Variants in CSMD1 observed in about 807,000 individuals in gnomAD.
The protein encoded by CSMD1 is CUB and sushi domain-containing protein 1.
CSMD1 carries 213 observed loss-of-function variants against 417.5 expected under a neutral mutation model. The observed-to-expected ratio is 0.51, with a 90% confidence interval of 0.46 to 0.57. CSMD1 has a LOEUF of 0.57. Among genes scored for constraint, CSMD1 ranks in the 20% least tolerant of loss-of-function variants. The pLI is 0.00. For synonymous variants in CSMD1, 2,862 were observed against 1,736.8 expected (o/e 1.65, Z -16.11); for missense variants, 6,923 against 4,529.7 (o/e 1.53, Z -15.17).
At chr8:3,240,086 C>A (rs972388458) in intron 26 of CSMD1, among the ~76,000 whole-genome samples, 1 of 152,134 alleles carries the variant, frequency 6.6e-6, no homozygotes, top group African/African-American at 2.4e-5. Context: ...AGGGTGGTGG[C>A]GGCTGCCACA....
intron 3 of CSMD1, among the ~76,000 whole-genome samples, chr8:4,291,641 C>T (rs778431542): frequency 5.3e-5 from 8 of 151,952 alleles, no homozygotes; most frequent in Admixed American, 1.3e-4. Flanking sequence ...AAATTATAGC[C>T]GCAATATGGA....
At chr8:4,090,831 A>C (rs574958317) in intron 3 of CSMD1, among the ~76,000 whole-genome samples, 10 of 152,334 alleles carry the variant, frequency 6.6e-5, no homozygotes, top group Non-Finnish European at 1.5e-4. Context: ...GAATGAAAAA[A>C]TAGAAATATT....
At chr8:3,773,111 T>A (rs912723918) in intron 5 of CSMD1, among the ~76,000 whole-genome samples, 20 of 152,156 alleles carry the variant, frequency 1.3e-4, no homozygotes, top group African/African-American at 4.3e-4. Context: ...GGCTCTGTCC[T>A]CACAACCTCA....
chr8:4,330,689 T>C (rs925925351), intron 3 of CSMD1, among the ~76,000 whole-genome samples: 1 of 152,178 alleles, frequency 6.6e-6, no homozygotes, highest in African/African-American at 2.4e-5. Flanking sequence ...CCTAGGTGTT[T>C]GCTCAATTTT....
chr8:3,796,362 T>C (rs1353422302), intron 5 of CSMD1, among the ~76,000 whole-genome samples: 2 of 95,906 alleles, frequency 2.1e-5, no homozygotes, highest in East Asian at 2.4e-4. Flanking sequence ...TGTATAGATA[T>C]AGATATCTAT....
In CSMD1 at chr8:3,383,268, T is replaced by C. The variant is rs78413419; in HGVS notation, c.2782+4226A>G. Among the ~76,000 whole-genome samples, 118 of 152,362 alleles carry C rather than the reference T, an allele frequency of 7.7e-4. 1 individual carries two copies. The East Asian group carries it at 0.021, about 27-fold the overall frequency. Reference sequence around the variant, plus strand: ...TGTTCACATTAAACATGCAGTTTACTGCATTTCAGTCACACCTCAATAAAG... The same window carrying C: ...TGTTCACATTAAACATGCAGTTTACCGCATTTCAGTCACACCTCAATAAAG... On this transcript the variant is annotated intron_variant, in intron 18 of 69. Transcript: ENST00000635120.
At chr8:3,537,387 A>T (rs1362883687) in intron 10 of CSMD1, among the ~76,000 whole-genome samples, 2 of 152,300 alleles carry the variant, frequency 1.3e-5, no homozygotes, top group East Asian at 3.9e-4. Flanking sequence ...TATACATCAT[A>T]AGTTATCATG....
intron 4 of CSMD1, among the ~76,000 whole-genome samples, chr8:4,006,431 C>G (rs1474533589): frequency 6.6e-6 from 1 of 152,150 alleles, no homozygotes; most frequent in Non-Finnish European, 1.5e-5. Flanking sequence ...GTAATTCCAG[C>G]TTCTTGGGAG....
intron 5 of CSMD1, among the ~76,000 whole-genome samples, chr8:3,963,588 C>G (rs558766846): frequency 4.6e-5 from 7 of 152,012 alleles, no homozygotes; most frequent in African/African-American, 1.7e-4. Context: ...ACTAAGTAAA[C>G]AAAAAATAAA....
chr8:3,066,984 C>T (rs142994057), intron 49 of CSMD1, among the ~76,000 whole-genome samples: 45 of 151,990 alleles, frequency 3.0e-4, no homozygotes, highest in Middle Eastern at 6.8e-3. Context: ...TACAGACTGA[C>T]GAAAATCCAC....
chr8:3,364,909 G>A (rs563887113), intron 20 of CSMD1, among the ~76,000 whole-genome samples: 1 of 152,338 alleles, frequency 6.6e-6, no homozygotes, highest in South Asian at 2.1e-4. Flanking sequence ...CAGACCTGTG[G>A]TGAGGGCACC....
intron 1 of CSMD1, among the ~76,000 whole-genome samples, chr8:4,961,373 G>A (rs4637858): frequency 5.3e-5 from 8 of 152,070 alleles, no homozygotes; most frequent in African/African-American, 1.9e-4. Context: ...TTGCCCCTGA[G>A]GCATTCAGTA....
intron 3 of CSMD1, among the ~76,000 whole-genome samples, chr8:4,149,870 G>C (rs368728509): frequency 1.8e-4 from 27 of 152,154 alleles, no homozygotes; most frequent in African/African-American, 6.0e-4. Flanking sequence ...ATGATTATTT[G>C]TAAGCTGACC....
intron 2 of CSMD1, among the ~76,000 whole-genome samples, chr8:4,486,720 AG>A (rs2130177363): frequency 6.6e-6 from 1 of 151,024 alleles, no homozygotes; most frequent in Non-Finnish European, 1.5e-5. Flanking sequence ...AAATGTACAA[AG>A]AGGGTTCCCC....
At chr8:3,131,446 A>T (rs993989150) in intron 41 of CSMD1, among the ~76,000 whole-genome samples, 2 of 151,996 alleles carry the variant, frequency 1.3e-5, no homozygotes, top group African/African-American at 4.8e-5. Flanking sequence ...ATTTGGTGAC[A>T]AAGTCACAGG....
At chr8:4,887,332 T>C (rs920801627) in intron 1 of CSMD1, among the ~76,000 whole-genome samples, 1 of 152,076 alleles carries the variant, frequency 6.6e-6, no homozygotes, top group African/African-American at 2.4e-5. Flanking sequence ...AAAGAACATA[T>C]TTTGTAGGAT....
intron 1 of CSMD1, among the ~76,000 whole-genome samples, chr8:4,904,561 G>A (rs906848671): frequency 2.0e-5 from 3 of 152,174 alleles, no homozygotes; most frequent in Non-Finnish European, 4.4e-5. Context: ...TGGAGCCACA[G>A]AATATCATTA....
At chr8:3,520,687 G>C (rs945703126) in intron 10 of CSMD1, among the ~76,000 whole-genome samples, 1 of 151,802 alleles carries the variant, frequency 6.6e-6, no homozygotes. Flanking sequence ...CTTTAAGTCT[G>C]TTTTTCTACC....
At chr8:4,771,479 G>A (rs549089674) in intron 1 of CSMD1, among the ~76,000 whole-genome samples, 2 of 152,316 alleles carry the variant, frequency 1.3e-5, no homozygotes, top group Middle Eastern at 3.4e-3. Context: ...AAGCTCAGTC[G>A]TGAGAATGCG....
Sources: allele counts gnomAD v4.1 joint callset (sites outside exome capture counted in the v4.1 genomes callset), GRCh38; gene constraint gnomAD v4.1.1; transcripts MANE v1.5; gene names NCBI Gene and HGNC (gene_info 2026-07-23, HGNC 2026-07-21).